The following PPP2R2C variants were observed in gnomAD, a reference collection of about 807,000 sequenced individuals.
PPP2R2C encodes protein phosphatase 2 regulatory subunit Bgamma, also known as protein phosphatase 2, regulatory subunit B, gamma.
Under a neutral mutation model 45.3 loss-of-function variants are expected in PPP2R2C, and 10 were observed. The ratio of observed to expected loss-of-function variants is 0.22; its 90% confidence interval spans 0.14 to 0.37. The LOEUF is 0.37. Ranked by LOEUF, PPP2R2C falls within the 10% of genes least tolerant of loss-of-function variation. The pLI is 1.00. For synonymous variants in PPP2R2C, 257 were observed against 245.4 expected (o/e 1.05, Z -0.44); for missense variants, 308 against 619.7 (o/e 0.50, Z 5.34).
chr4:6,381,541 C>T (rs1715797420), intron 1 of PPP2R2C: 1 of 1,403,510 alleles, frequency 7.1e-7, no homozygotes. Context: ...CAAGGCAACC[C>T]TCTGCTAGGG....
chr4:6,340,641 G>T (rs957109320), intron 6 of PPP2R2C, among the ~76,000 whole-genome samples: 3 of 152,032 alleles, frequency 2.0e-5, no homozygotes, highest in Admixed American at 6.5e-5. Context: ...GCGCACCAGC[G>T]TCTCTCACCT....
At chr4:6,493,058 T>C (rs1722756882) in intron 2 of PPP2R2C, among the ~76,000 whole-genome samples, 1 of 152,050 alleles carries the variant, frequency 6.6e-6, no homozygotes, top group South Asian at 2.1e-4. Flanking sequence ...GGACTTTGCA[T>C]CTGCTATTTC....
At chr4:6,384,818 G>T in intron 1 of PPP2R2C, 1 of 985,444 alleles carries the variant, frequency 1.0e-6, no homozygotes, top group Non-Finnish European at 1.2e-6. Context: ...AGGAGATGGA[G>T]GCTCCCTCCA....
chr4:6,435,308 T>A (rs769333216), intron 1 of PPP2R2C, among the ~76,000 whole-genome samples: 1 of 152,236 alleles, frequency 6.6e-6, no homozygotes, highest in African/African-American at 2.4e-5. Flanking sequence ...TGGGTTTATT[T>A]GTTAATCTAT....
intron 2 of PPP2R2C, among the ~76,000 whole-genome samples, chr4:6,487,170 C>G (rs1410047409): frequency 6.6e-6 from 1 of 151,994 alleles, no homozygotes; most frequent in East Asian, 1.9e-4. Flanking sequence ...TGCTATTATA[C>G]AGTTTACTTT....
At chr4:6,417,606 G>A (rs1305089167) in intron 1 of PPP2R2C, among the ~76,000 whole-genome samples, 2 of 152,230 alleles carry the variant, frequency 1.3e-5, no homozygotes, top group African/African-American at 2.4e-5. Flanking sequence ...GTGTTGCCCA[G>A]GCTTCTGGAT....
intron 2 of PPP2R2C, among the ~76,000 whole-genome samples, chr4:6,514,425 TTGG>T (rs1723768825): frequency 6.6e-6 from 1 of 152,148 alleles, no homozygotes; most frequent in African/African-American, 2.4e-5. Flanking sequence ...GAAGAGGTGA[TTGG>T]TGATCAAAGA....
At chr4:6,363,347 G>T (rs1226653143) in intron 5 of PPP2R2C, among the ~76,000 whole-genome samples, 1 of 152,196 alleles carries the variant, frequency 6.6e-6, no homozygotes, top group African/African-American at 2.4e-5. Context: ...GGGAGGTCAA[G>T]GCAGGTGGAT....
chr4:6,563,091 G>A lies in PPP2R2C; in HGVS notation c.-59+469C>T, dbSNP rs1246432145. Among the ~76,000 whole-genome samples the A allele has an allele frequency of 6.6e-6, 1 of 152,178 alleles. No individual in the cohort carries two copies. Among genetic ancestry groups the A allele is most frequent in the African/African-American group, 2.4e-5 (1 of 41,448 alleles). ...GTACCCGCGGCCGGGACTGAACTCC[G>A]CCGCATTGGGTCTTACCCCGGACTC... On this transcript the variant is annotated intron_variant, in intron 1 of 9. Transcript: ENST00000506140. This position sits in a 1 kb window ranked among gnomAD's most constrained non-coding sequence, Gnocchi z 5.8.
chr4:6,416,614 T>C (rs554535432), intron 1 of PPP2R2C, among the ~76,000 whole-genome samples: 1 of 152,278 alleles, frequency 6.6e-6, no homozygotes, highest in South Asian at 2.1e-4. Context: ...GCTCCTCTTG[T>C]CCCTGCTCCC....
At chr4:6,537,149 G>A (rs1329977202) in intron 1 of PPP2R2C, among the ~76,000 whole-genome samples, 1 of 152,084 alleles carries the variant, frequency 6.6e-6, no homozygotes, top group Non-Finnish European at 1.5e-5. Flanking sequence ...GTCACAGTGA[G>A]CCGAGATCGC....
chr4:6,383,470 C>T, intron 1 of PPP2R2C: 1 of 1,280,442 alleles, frequency 7.8e-7, no homozygotes. Context: ...AGGCTCCTTG[C>T]CCTTTCCCAA....
intron 1 of PPP2R2C, among the ~76,000 whole-genome samples, chr4:6,408,005 T>C (rs556219109): frequency 6.6e-6 from 1 of 152,364 alleles, no homozygotes; most frequent in East Asian, 1.9e-4. Context: ...GATTACAGTT[T>C]ATACTATTTT....
At chr4:6,456,316 C>T (rs908696835) in intron 1 of PPP2R2C, among the ~76,000 whole-genome samples, 240 of 145,564 alleles carry the variant, frequency 1.6e-3, no homozygotes, top group African/African-American at 5.8e-3. Flanking sequence ...TTCCCCCCCC[C>T]CCCTTTATTC....
intron 1 of PPP2R2C, among the ~76,000 whole-genome samples, chr4:6,453,635 A>G (rs187285810): frequency 1.2e-3 from 183 of 152,176 alleles, no homozygotes; most frequent in Admixed American, 3.5e-3. Context: ...CCGGGGCTGT[A>G]ATGGTTTCTC....
intron 1 of PPP2R2C, chr4:6,382,996 C>T: frequency 9.2e-7 from 1 of 1,083,714 alleles, no homozygotes; most frequent in Non-Finnish European, 1.1e-6. Context: ...GGAGCCAAAC[C>T]TTCACCCCTC....
chr4:6,456,624 C>T (rs756183273), intron 1 of PPP2R2C, among the ~76,000 whole-genome samples: 6 of 152,314 alleles, frequency 3.9e-5, no homozygotes, highest in Non-Finnish European at 7.3e-5. Flanking sequence ...GGATTGCTCC[C>T]GAAGCAGACA....
chr4:6,324,897 G>A lies in PPP2R2C; in HGVS notation c.1053-1304C>T, dbSNP rs146377290. Among the ~76,000 whole-genome samples, 1 of 152,346 alleles carries A rather than the reference G, an allele frequency of 6.6e-6. No individual in the cohort carries two copies. Among genetic ancestry groups the A allele is most frequent in the East Asian group, 1.9e-4 (1 of 5,172 alleles). ...AGCTGTGAGGTGCAAGGTAACTGGG[G>A]AGGAAGAGGATGTTACGAAAAGCGA... On this transcript the variant is annotated intron_variant, in intron 8 of 8. Coordinates refer to ENST00000382599, the MANE Select transcript of PPP2R2C (RefSeq NM_020416.4). The surrounding 1 kb of genome is among the most constrained non-coding windows in gnomAD (Gnocchi z 4.1).
chr4:6,495,529 G>A (rs1175244810), intron 2 of PPP2R2C, among the ~76,000 whole-genome samples: 1 of 152,246 alleles, frequency 6.6e-6, no homozygotes, highest in Non-Finnish European at 1.5e-5. Context: ...CTCCTGGTGA[G>A]GGAACAGGCA....
Sources: gnomAD v4.1 joint callset for allele counts (sites outside exome capture counted in the v4.1 genomes callset) on GRCh38, gnomAD v4.1.1 for gene constraint, Gnocchi (gnomAD v3.1) non-coding constraint, MANE v1.5 for transcripts, NCBI Gene and HGNC (gene_info 2026-07-23, HGNC 2026-07-21) for gene names.